ARL13B: variants seen among roughly 807,000 people sequenced by gnomAD.
ARL13B encodes the protein ARF like GTPase 13B, also known as ADP-ribosylation factor-like protein 13B.
ARL13B carries 36 observed loss-of-function variants against 56.1 expected under a neutral mutation model. The ratio of observed to expected loss-of-function variants is 0.64; its 90% CI spans 0.49 to 0.85. ARL13B has a LOEUF of 0.85. ARL13B is among the 40% of genes least tolerant of loss of function. The pLI is 0.00. For missense variants in ARL13B, 519 were observed against 507.1 expected, an observed-to-expected ratio of 1.02 and a Z score of -0.23; for synonymous variants, 178 against 171.1, an observed-to-expected ratio of 1.04 and a Z score of -0.32.
rs548987830 is a variant in ARL13B at position 94,037,390 on chromosome 3, T to C, written c.689+636T>C. On this transcript the variant is annotated intron_variant, in intron 5 of 9. Transcript: ENST00000394222. Reference sequence around the variant, plus strand: ...GTGAGCAAGAACTCACTACCCTTGGTGACCCATTATGAGGTACTTCCTTAT... The same window carrying C: ...GTGAGCAAGAACTCACTACCCTTGGCGACCCATTATGAGGTACTTCCTTAT... Among the ~76,000 whole-genome samples the C allele has an allele frequency of 7.9e-5, 12 of 152,308 alleles. No homozygotes were observed. The East Asian group carries it at 2.3e-3, about 29-fold the overall frequency.
chr3:94,004,439 C>T (rs1235197647), intron 3 of ARL13B, among the ~76,000 whole-genome samples: 2 of 152,002 alleles, frequency 1.3e-5, no homozygotes, highest in African/African-American at 2.4e-5. Context: ...TTTTTAAAAA[C>T]GAAGTGACAA....
At position 93,980,210 on chromosome 3, in the gene ARL13B, C is replaced by G; in HGVS notation, c.-214C>G. 1.4e-6 allele frequency: 1 copy of G among 706,436 alleles called. No individual in the cohort carries two copies. 43.8% of individuals were successfully genotyped at this position (706,436 alleles called of 1,614,324 possible). A position where few individuals can be genotyped will look rare whatever the true frequency, so the allele number is the denominator to read the frequency against. On this transcript the variant is annotated 5_prime_UTR_variant, in exon 1 of 10. Transcript: ENST00000394222. ...GCTACGGTGTATCTGCGTCTTTGGTCAGGTTGTTCCTTGGCTAAGAGGGCA... is the reference window on the plus strand; with the variant it reads ...GCTACGGTGTATCTGCGTCTTTGGTGAGGTTGTTCCTTGGCTAAGAGGGCA...
chr3:93,989,752 A>G (rs749641180), intron 1 of ARL13B, among the ~76,000 whole-genome samples: 3 of 152,104 alleles, frequency 2.0e-5, no homozygotes, highest in Non-Finnish European at 4.4e-5. Flanking sequence ...TGGCACTTGA[A>G]CTCAGGTCTC....
chr3:94,049,442 A>G lies in ARL13B; in HGVS notation c.1061A>G (p.Lys354Arg). 6.2e-7 allele frequency: 1 copy of G among 1,609,746 alleles called. No individual in the cohort carries two copies. Among genetic ancestry groups the G allele is most frequent in the Non-Finnish European group, 8.5e-7 (1 of 1,178,268 alleles). Residue 354 changes from lysine to arginine, a missense_variant, in exon 8 of 10, where the codon AAA becomes AGA. By Grantham distance (26) the Lys-to-Arg change is conservative. Transcript: ENST00000394222. ...GKKKTKKLRM[K>R]RNHRVEPLNI... Reference sequence around the variant, plus strand: ...AAGAAAACTAAGAAACTAAGAATGAAAAGGAACCACCGGGTAGAACCACTT... The same window carrying G: ...AAGAAAACTAAGAAACTAAGAATGAGAAGGAACCACCGGGTAGAACCACTT...
chr3:94,034,148 A>C (rs2076726135), intron 3 of ARL13B, among the ~76,000 whole-genome samples: 1 of 152,074 alleles, frequency 6.6e-6, no homozygotes, highest in South Asian at 2.1e-4. Context: ...CATGGTAATG[A>C]TTTTTTAATA....
chr3:94,014,692 A>G (rs566805185), intron 3 of ARL13B: 31 of 1,613,124 alleles, frequency 1.9e-5, no homozygotes, highest in South Asian at 1.2e-4. Context: ...TTCATTAAAA[A>G]CTTCCCATTT....
chr3:94,046,385 T>A (rs1171393451), intron 7 of ARL13B, among the ~76,000 whole-genome samples: 1 of 152,166 alleles, frequency 6.6e-6, no homozygotes, highest in Non-Finnish European at 1.5e-5. Flanking sequence ...ATTTATATAC[T>A]ATTCCTTGAA....
intron 3 of ARL13B, among the ~76,000 whole-genome samples, chr3:94,011,753 G>A (rs2076227570): frequency 6.6e-6 from 1 of 152,008 alleles, no homozygotes; most frequent in African/African-American, 2.4e-5. Flanking sequence ...TTCTTGCCTG[G>A]AAGTATAGTG....
intron 1 of ARL13B, 53 bp from the exon 2 acceptor site, chr3:93,995,820 TC>T: frequency 6.8e-7 from 1 of 1,473,770 alleles, no homozygotes; most frequent in African/African-American, 1.4e-5. Context: ...CATTTATTTT[TC>T]CTCAATACTA....
chr3:93,990,805 C>T (rs1439708873), intron 1 of ARL13B, among the ~76,000 whole-genome samples: 4 of 152,112 alleles, frequency 2.6e-5, no homozygotes, highest in Admixed American at 6.5e-5. Context: ...GGTATTTTCT[C>T]GTGCAGTGTT....
chr3:94,043,746 G>A (rs1184003803), intron 7 of ARL13B, among the ~76,000 whole-genome samples: 1 of 126,534 alleles, frequency 7.9e-6, no homozygotes, highest in Non-Finnish European at 1.6e-5. Context: ...CAACCTCCCT[G>A]CCTCGGGCTC....
At chr3:94,030,296 G>T (rs548559287) in intron 3 of ARL13B, among the ~76,000 whole-genome samples, 1 of 151,612 alleles carries the variant, frequency 6.6e-6, no homozygotes, top group Non-Finnish European at 1.5e-5. Flanking sequence ...GCGCGATCTC[G>T]GCTCACTGCA....
intron 7 of ARL13B, among the ~76,000 whole-genome samples, chr3:94,049,056 T>G (rs116582703): frequency 0.023 from 3,566 of 152,236 alleles, 136 homozygotes; most frequent in African/African-American, 0.081. Context: ...ATGAATAGCT[T>G]CTTTTCCCAG....
At chr3:94,007,723 C>A (rs1333107960) in intron 3 of ARL13B, among the ~76,000 whole-genome samples, 3 of 152,078 alleles carry the variant, frequency 2.0e-5, no homozygotes, top group Admixed American at 6.6e-5. Context: ...GAGTACAATT[C>A]AAGATGAGAT....
chr3:94,010,189 T>C (rs1227427737), intron 3 of ARL13B, among the ~76,000 whole-genome samples: 3 of 152,126 alleles, frequency 2.0e-5, no homozygotes, highest in African/African-American at 7.2e-5. Context: ...TTCTAAGCTT[T>C]TATGTCTGCA....
At chr3:94,021,993 C>G (rs1388758902) in intron 3 of ARL13B, among the ~76,000 whole-genome samples, 5 of 152,182 alleles carry the variant, frequency 3.3e-5, no homozygotes, top group African/African-American at 1.2e-4. Context: ...ACCACATCCC[C>G]TTTCCAATTC....
At chr3:94,021,205 T>C (rs1044916262) in intron 3 of ARL13B, among the ~76,000 whole-genome samples, 81 of 149,802 alleles carry the variant, frequency 5.4e-4, no homozygotes, top group Non-Finnish European at 9.3e-4. Context: ...TATATAATTT[T>C]TTTTTTGAGA....
intron 3 of ARL13B, among the ~76,000 whole-genome samples, chr3:94,017,519 T>C (rs1285821468): frequency 6.6e-6 from 1 of 152,216 alleles, no homozygotes; most frequent in Non-Finnish European, 1.5e-5. Flanking sequence ...CCTGGTAATA[T>C]TCCTTTGGTT....
chr3:93,990,158 C>A (rs2075846177), intron 1 of ARL13B, among the ~76,000 whole-genome samples: 1 of 152,072 alleles, frequency 6.6e-6, no homozygotes, highest in African/African-American at 2.4e-5. Context: ...GTGGGCGCCA[C>A]CAAGCCTGGC....
Sources: allele counts gnomAD v4.1 joint callset (sites outside exome capture counted in the v4.1 genomes callset), GRCh38; gene constraint gnomAD v4.1.1; transcripts MANE v1.5; gene names NCBI Gene and HGNC (gene_info 2026-07-23, HGNC 2026-07-21).